The following PRND variants were observed in gnomAD, a reference collection of about 807,000 sequenced individuals.
PRND encodes prion-like protein doppel.
For synonymous variants in PRND, 94 were observed against 93.2 expected, an observed-to-expected ratio of 1.01 and a Z score of -0.05; for missense variants, 227 against 223.3, an observed-to-expected ratio of 1.02 and a Z score of -0.11.
chr20:4,723,605 C>A (rs1166966609), intron 1 of PRND, among the ~76,000 whole-genome samples: 9 of 152,080 alleles, frequency 5.9e-5, no homozygotes, highest in Non-Finnish European at 1.3e-4. Context: ...GCAGAATGCC[C>A]CCAAGACAGT....
chr20:4,724,349 A>G lies in PRND; in HGVS notation c.-11-192A>G, dbSNP rs1923195962. The stretch of plus-strand genomic sequence containing the variant: ...CAGAGCCCTGAGTGAATGTAATCCT[A>G]GCAATAGCAAAGGAGCTCGGTGTTT... On this transcript the variant is annotated intron_variant, in intron 1 of 1. Coordinates refer to ENST00000305817, the MANE Select transcript of PRND (RefSeq NM_012409.4). This position sits in a 1 kb window ranked among gnomAD's most constrained non-coding sequence, Gnocchi z 4.8. 6.6e-6 allele frequency among the ~76,000 whole-genome samples: 1 copy of G among 152,230 alleles called. No homozygotes were observed.
Position 4,725,493 on chromosome 20 carries a change from C to T in PRND, c.*411C>T, listed in dbSNP as rs1923236783. Reference sequence around the variant, plus strand: ...ATCACCAGCTAGAAAGTGGCAGAGCCAGGATTCAACCCTGGCTTGTCTAAC... The same window carrying T: ...ATCACCAGCTAGAAAGTGGCAGAGCTAGGATTCAACCCTGGCTTGTCTAAC... On this transcript the variant is annotated 3_prime_UTR_variant, in exon 2 of 2. Transcript: ENST00000305817. 1 of 197,868 alleles carries T rather than the reference C, an allele frequency of 5.1e-6. No homozygotes were observed. Among genetic ancestry groups the T allele is most frequent in the African/African-American group, 2.4e-5 (1 of 42,454 alleles). The allele number at this position is 197,868 out of a possible 1,614,324, so 12.3% of individuals were successfully genotyped here.
In PRND at chr20:4,727,793, C is replaced by CTTTT. The variant is rs59537500; in HGVS notation, c.*2718_*2721dup. ...AATGCTTTCTACTCATTTTTCTATA[C>CTTTT]TTTTTTTTTTGAGGCAGAGTCTCAT... On this transcript the variant is annotated 3_prime_UTR_variant, in exon 2 of 2. Coordinates refer to ENST00000305817, the MANE Select transcript of PRND (RefSeq NM_012409.4). The CTTTT allele has an allele frequency of 5.6e-5, 8 of 143,694 alleles. No individual in the cohort carries two copies. Among genetic ancestry groups the CTTTT allele is most frequent in the Middle Eastern group, 4.3e-3 (1 of 234 alleles). The allele number at this position is 143,694 out of a possible 1,614,324, so 8.9% of individuals were successfully genotyped here. A position where few individuals can be genotyped will look rare whatever the true frequency, so the allele number is the denominator to read the frequency against.
intron 1 of PRND, among the ~76,000 whole-genome samples, chr20:4,723,232 C>T (rs937062743): frequency 2.6e-5 from 4 of 152,212 alleles, no homozygotes; most frequent in South Asian, 4.1e-4. Flanking sequence ...GCCACCTCCC[C>T]GCTGTGCAGC....
chr20:4,726,802 C>T lies in PRND; in HGVS notation c.*1720C>T, dbSNP rs1923283593. 1 of 167,090 alleles carries T rather than the reference C, an allele frequency of 6.0e-6. No homozygotes were observed. The highest frequency in any genetic ancestry group is 1.5e-5 in the Non-Finnish European group (1 of 68,136). 10.4% of individuals were successfully genotyped at this position (167,090 alleles called of 1,614,324 possible). On this transcript the variant is annotated 3_prime_UTR_variant, in exon 2 of 2. Transcript: ENST00000305817. ...CTGAGTCCCCTCAGCTATCAGTGTT[C>T]TTCTCAAGGACACATTTGGAAGGTT...
In PRND at chr20:4,725,473, C is replaced by T. The variant is rs1475282832; in HGVS notation, c.*391C>T. On this transcript the variant is annotated 3_prime_UTR_variant, in exon 2 of 2. Transcript: ENST00000305817. The stretch of plus-strand genomic sequence containing the variant: ...GCTGAAGTACTGCACCCAGCATCAC[C>T]AGCTAGAAAGTGGCAGAGCCAGGAT... 4.9e-5 allele frequency: 10 copies of T among 202,640 alleles called. No homozygotes were observed. The East Asian group carries it at 6.3e-4, about 13-fold the overall frequency. 12.6% of individuals were successfully genotyped at this position (202,640 alleles called of 1,614,324 possible). A position where few individuals can be genotyped will look rare whatever the true frequency, so the allele number is the denominator to read the frequency against.
rs1923284895 is a variant in PRND at position 4,726,831 on chromosome 20, A to G, written c.*1749A>G. On this transcript the variant is annotated 3_prime_UTR_variant, in exon 2 of 2. Coordinates refer to ENST00000305817, the MANE Select transcript of PRND (RefSeq NM_012409.4). ...TCAAGGACACATTTGGAAGGTTTTA[A>G]CATTGAAAGTGAGCGGAGGACTTGG... 1 of 167,130 alleles carries G rather than the reference A, an allele frequency of 6.0e-6. No homozygotes were observed. Among genetic ancestry groups the G allele is most frequent in the Admixed American group, 6.5e-5 (1 of 15,288 alleles). 10.4% of individuals were successfully genotyped at this position (167,130 alleles called of 1,614,324 possible).
Position 4,724,697 on chromosome 20 carries a change from C to G in PRND, c.146C>G (p.Ala49Gly). ...CCCAGCACTGCCCAGATCACTGAGG[C>G]CCAGGTGGCTGAGAACCGCCCGGGA... ...ALPSTAQITE[A>G]QVAENRPGAF... is the part of the protein sequence containing the mutation. Residue 49 changes from alanine to glycine, a missense_variant, in exon 2 of 2, where the codon GCC becomes GGC. Ala to Gly is a moderately conservative substitution (Grantham distance 60, BLOSUM62 0). Transcript: ENST00000305817. The surrounding 1 kb of genome is among the most constrained non-coding windows in gnomAD (Gnocchi z 4.8). 1 of 1,614,214 alleles carries G rather than the reference C, an allele frequency of 6.2e-7. No individual in the cohort carries two copies. The highest frequency in any genetic ancestry group is 1.1e-5 in the South Asian group (1 of 91,086).
In PRND at chr20:4,724,768, G is replaced by A. The variant is rs761487811; in HGVS notation, c.217G>A (p.Glu73Lys). 1.2e-5 allele frequency: 19 copies of A among 1,614,102 alleles called. No homozygotes were observed. The highest frequency in any genetic ancestry group is 7.7e-5 in the South Asian group (7 of 91,088). The change falls in exon 2 of 2, where the codon GAG (glutamate) becomes AAG (lysine). Residue 73 changes from glutamate (E) to lysine (K), a missense_variant. Transcript: ENST00000305817. The surrounding 1 kb of genome is among the most constrained non-coding windows in gnomAD (Gnocchi z 4.8). ...GRKLDIDFGA[E>K]GNRYYEANYW... ...CAAGCTCGACATTGACTTCGGAGCC[G>A]AGGGCAACAGGTACTACGAGGCCAA...
intron 1 of PRND, among the ~76,000 whole-genome samples, chr20:4,722,815 C>T (rs1482732767): frequency 6.6e-6 from 1 of 152,170 alleles, no homozygotes; most frequent in Non-Finnish European, 1.5e-5. Context: ...CTAATCCACA[C>T]AGGCAAAGAC....
At position 4,724,452 on chromosome 20, in the gene PRND, C is replaced by T. The variant is rs573717697; in HGVS notation, c.-11-89C>T. ...ACATAAATAGCACAAGGATGCGATT[C>T]CTTCCTTAAAATCTCCTGCACTTGG... On this transcript the variant is annotated intron_variant, in intron 1 of 1. Transcript: ENST00000305817. This position sits in a 1 kb window ranked among gnomAD's most constrained non-coding sequence, Gnocchi z 4.8. 148 of 1,502,312 alleles carry T rather than the reference C, an allele frequency of 9.9e-5. 3 individuals are homozygous for T. Among genetic ancestry groups the T allele is most frequent in the South Asian group, 6.7e-4 (59 of 88,278 alleles). 93.1% of individuals were successfully genotyped at this position (1,502,312 alleles called of 1,614,324 possible).
Position 4,724,855 on chromosome 20 carries a change from G to C in PRND, c.304G>C (p.Glu102Gln). The C allele has an allele frequency of 6.2e-7, 1 of 1,614,210 alleles. No homozygotes were observed. Among genetic ancestry groups the C allele is most frequent in the South Asian group, 1.1e-5 (1 of 91,080 alleles). ...CTGCTCTGAGGCTAATGTGACCAAGGAGGCATTTGTCACCGGCTGCATCAA... is the reference window on the plus strand; with the variant it reads ...CTGCTCTGAGGCTAATGTGACCAAGCAGGCATTTGTCACCGGCTGCATCAA... Reference protein sequence around the residue: ...NGCSEANVTKEAFVTGCINAT... With the variant: ...NGCSEANVTKQAFVTGCINAT... Residue 102 changes from glutamate to glutamine, a missense_variant, in exon 2 of 2, where the codon GAG becomes CAG. By Grantham distance (29) the Glu-to-Gln change is conservative (BLOSUM62 2). Transcript: ENST00000305817. The surrounding 1 kb of genome is among the most constrained non-coding windows in gnomAD (Gnocchi z 4.8).
chr20:4,727,110 G>A lies in PRND; in HGVS notation c.*2028G>A, dbSNP rs992062504. 2.4e-5 allele frequency: 4 copies of A among 167,114 alleles called. No homozygotes were observed. Among genetic ancestry groups the A allele is most frequent in the African/African-American group, 9.6e-5 (4 of 41,466 alleles). The allele number at this position is 167,114 out of a possible 1,614,324, so 10.4% of individuals were successfully genotyped here. A position where few individuals can be genotyped will look rare whatever the true frequency, so the allele number is the denominator to read the frequency against. On this transcript the variant is annotated 3_prime_UTR_variant, in exon 2 of 2. Transcript: ENST00000305817. The stretch of plus-strand genomic sequence containing the variant: ...GAGAAAGTACTCAGAGGCTGACACT[G>A]ACATTTCACTTCCTCGCTCTCCTAA...
Position 4,725,226 on chromosome 20 carries a change from T to G in PRND, c.*144T>G, listed in dbSNP as rs1923229614. On this transcript the variant is annotated 3_prime_UTR_variant, in exon 2 of 2. Transcript: ENST00000305817. ...GCACTGCAAATGCCGCTCTCACGTA[T>G]GCGCCCTGGTATGTGCCTGCGTTCT... 1.0e-6 allele frequency: 1 copy of G among 994,742 alleles called. No homozygotes were observed. The highest frequency in any genetic ancestry group is 2.6e-5 in the East Asian group (1 of 38,126). 61.6% of individuals were successfully genotyped at this position (994,742 alleles called of 1,614,324 possible).
Position 4,725,194 on chromosome 20 carries a change from T to C in PRND, c.*112T>C. 1 of 1,376,270 alleles carries C rather than the reference T, an allele frequency of 7.3e-7. No homozygotes were observed. The highest frequency in any genetic ancestry group is 1.0e-6 in the Non-Finnish European group (1 of 1,000,870). 85.3% of individuals were successfully genotyped at this position (1,376,270 alleles called of 1,614,324 possible). On this transcript the variant is annotated 3_prime_UTR_variant, in exon 2 of 2. Transcript: ENST00000305817. ...TTCTGAAGGTGCCCAGGAGCGGCGA[T>C]GCACTCGCACTGCAAATGCCGCTCT...
Position 4,724,715 on chromosome 20 carries a change from G to A in PRND, c.164G>A (p.Arg55His), listed in dbSNP as rs374649993. The A allele has an allele frequency of 8.7e-5, 140 of 1,614,184 alleles. No homozygotes were observed. Among genetic ancestry groups the A allele is most frequent in the South Asian group, 6.1e-4 (56 of 91,082 alleles). The change falls in exon 2 of 2, where the codon CGC becomes CAC. Residue 55 changes from arginine to histidine, a missense_variant. By Grantham distance (29) the Arg-to-His change is conservative (BLOSUM62 0). Coordinates refer to ENST00000305817, the MANE Select transcript of PRND (RefSeq NM_012409.4). This position sits in a 1 kb window ranked among gnomAD's most constrained non-coding sequence, Gnocchi z 4.8. ...QITEAQVAEN[R>H]PGAFIKQGRK... ...ACTGAGGCCCAGGTGGCTGAGAACC[G>A]CCCGGGAGCCTTCATCAAGCAAGGC...
In PRND at chr20:4,724,794, C is replaced by G; in HGVS notation, c.243C>G (p.Asn81Lys). The G allele has an allele frequency of 6.2e-6, 10 of 1,614,232 alleles. No homozygotes were observed. Among genetic ancestry groups the G allele is most frequent in the Non-Finnish European group, 8.5e-6 (10 of 1,180,040 alleles). ...AGGGCAACAGGTACTACGAGGCCAA[C>G]TACTGGCAGTTCCCCGATGGCATCC... The part of the protein sequence containing the change: ...GAEGNRYYEA[N>K]YWQFPDGIHY... Residue 81 changes from asparagine to lysine, a missense_variant, in exon 2 of 2, where the codon AAC (asparagine) becomes AAG (lysine). Transcript: ENST00000305817. This position sits in a 1 kb window ranked among gnomAD's most constrained non-coding sequence, Gnocchi z 4.8.
rs1342747889 is a variant in PRND, at chr20:4,724,670, T to C, written c.119T>C (p.Leu40Pro). 7.4e-6 allele frequency: 12 copies of C among 1,614,190 alleles called. No homozygotes were observed. The highest frequency in any genetic ancestry group is 1.0e-5 in the Non-Finnish European group (12 of 1,180,044). Residue 40 changes from leucine to proline, a missense_variant, in exon 2 of 2, where the codon CTG becomes CCG. Transcript: ENST00000305817. The surrounding 1 kb of genome is among the most constrained non-coding windows in gnomAD (Gnocchi z 4.8). ...KHRIKWNRKALPSTAQITEAQ... is the reference protein window; with the variant it reads ...KHRIKWNRKAPPSTAQITEAQ... ...AGAATCAAGTGGAACCGGAAGGCCCTGCCCAGCACTGCCCAGATCACTGAG... is the reference window on the plus strand; with the variant it reads ...AGAATCAAGTGGAACCGGAAGGCCCCGCCCAGCACTGCCCAGATCACTGAG...
intron 1 of PRND, among the ~76,000 whole-genome samples, chr20:4,722,335 T>C (rs1192844079): frequency 3.3e-5 from 5 of 151,976 alleles, no homozygotes; most frequent in Admixed American, 6.6e-5. Context: ...TGATGTGGAG[T>C]ATGGCCCTAT....
Sources: gnomAD v4.1 joint callset for allele counts (sites outside exome capture counted in the v4.1 genomes callset) on GRCh38, gnomAD v4.1.1 for gene constraint, Gnocchi (gnomAD v3.1) non-coding constraint, MANE v1.5 for transcripts, NCBI Gene and HGNC (gene_info 2026-07-23, HGNC 2026-07-21) for gene names.